Variants in ABR observed in about 807,000 individuals in gnomAD.
ABR encodes ABR activator of RhoGEF and GTPase, also known as active breakpoint cluster region-related protein.
ABR carries 35 observed loss-of-function variants against 107.2 expected under a neutral mutation model. The ratio of observed to expected loss-of-function variants is 0.33; its 90% CI spans 0.25 to 0.43. The LOEUF (loss-of-function observed/expected upper bound fraction) is 0.43. Ranked by LOEUF, ABR falls within the 20% of genes least tolerant of loss-of-function variation. ABR has a pLI of 1.00. For synonymous variants in ABR, 498 were observed against 462.0 expected, an observed-to-expected ratio of 1.08 and a Z score of -1.00; for missense variants, 815 against 1,115.2, an observed-to-expected ratio of 0.73 and a Z score of 3.83.
Position 1,092,926 on chromosome 17 carries a change from T to C in ABR, c.346-1076A>G, listed in dbSNP as rs2037133412. Among the ~76,000 whole-genome samples, 1 of 140,390 alleles carries C rather than the reference T, an allele frequency of 7.1e-6. No individual in the cohort carries two copies. The highest frequency in any genetic ancestry group is 2.4e-4 in the South Asian group (1 of 4,212). The allele number at this position is 140,390 out of a possible 152,430, so 92.1% of individuals were successfully genotyped here. On this transcript the variant is annotated intron_variant, in intron 3 of 22. Transcript: ENST00000302538. This position sits in a 1 kb window ranked among gnomAD's most constrained non-coding sequence, Gnocchi z 4.6. ...GCTCCGCCTCCCGGGTTCACGCCAT[T>C]CTCCTGCCTCAGCCTCCCAAGTAAC...
At chr17:1,109,143 A>C (rs1036854037) in intron 2 of ABR, 2 of 603,328 alleles carry the variant, frequency 3.3e-6, no homozygotes, top group East Asian at 8.6e-5. Context: ...AGGAGGGAGG[A>C]GGCGGGCGGG....
At chr17:1,081,960 A>AT (rs984910376) in intron 5 of ABR, among the ~76,000 whole-genome samples, 87 of 151,508 alleles carry the variant, frequency 5.7e-4, no homozygotes, top group African/African-American at 1.8e-3. Context: ...TCCAAGCTGC[A>AT]TTTTTTTAAC....
chr17:1,150,222 C>T lies in ABR; in HGVS notation c.62-24855G>A, dbSNP rs539850990. Among the ~76,000 whole-genome samples, 1 of 152,146 alleles carries T rather than the reference C, an allele frequency of 6.6e-6. No homozygotes were observed. The highest frequency in any genetic ancestry group is 2.1e-4 in the South Asian group (1 of 4,810). On this transcript the variant is annotated intron_variant, in intron 1 of 22. Transcript: ENST00000302538. The surrounding 1 kb of genome is among the most constrained non-coding windows in gnomAD (Gnocchi z 4.8). ...CCTGTGTCAGAATTTTTTTTGTTAC[C>T]CACCTGACAAAGCTCTTCATCTTGC...
Position 1,054,340 on chromosome 17 carries a change from A to G in ABR, c.1561+1695T>C, listed in dbSNP as rs534766121. ...ACATTTCTGAGCTCCCATGCATCCC[A>G]GGGTAAAGGAGACCTGGTTCCCGCC... On this transcript the variant is annotated intron_variant, in intron 14 of 22. Coordinates refer to ENST00000302538, the MANE Select transcript of ABR (RefSeq NM_021962.5). 7.5e-4 allele frequency among the ~76,000 whole-genome samples: 115 copies of G among 152,320 alleles called. 1 individual carries two copies. The highest frequency in any genetic ancestry group is 2.7e-3 in the African/African-American group (113 of 41,584).
chr17:1,139,183 A>C (rs2040194718), intron 1 of ABR, among the ~76,000 whole-genome samples: 1 of 152,200 alleles, frequency 6.6e-6, no homozygotes, highest in African/African-American at 2.4e-5. Context: ...TGGCTTCTTA[A>C]ACAGCGTTAT....
intron 1 of ABR, among the ~76,000 whole-genome samples, chr17:1,172,577 C>G (rs1250110589): frequency 6.6e-6 from 1 of 152,036 alleles, no homozygotes; most frequent in Admixed American, 6.6e-5. Flanking sequence ...GGTGAAACCC[C>G]GTCTCTACTA....
In ABR at chr17:1,023,119, A is replaced by AGAGCCACTGCCGGCCCTACGTCCACTC. The variant is rs1167753663; in HGVS notation, c.1792-9956_1792-9955insGAGTGGACGTAGGGCCGGCAGTGGCTC. 2.9e-4 allele frequency among the ~76,000 whole-genome samples: 29 copies of AGAGCCACTGCCGGCCCTACGTCCACTC among 99,022 alleles called. No individual in the cohort carries two copies. The East Asian group carries it at 7.8e-3, about 27-fold the overall frequency. The allele number at this position is 99,022 out of a possible 152,430, so 65.0% of individuals were successfully genotyped here. ...AGCCTCTGCCGGCCCCACGTCCACT[A>AGAGCCACTGCCGGCCCTACGTCCACTC]CAGCGCCTCTGCCGGCCCCACGTCC... On this transcript the variant is annotated intron_variant, in intron 16 of 22. Transcript: ENST00000302538.
chr17:1,177,346 A>G (rs895111569), intron 1 of ABR, among the ~76,000 whole-genome samples: 2 of 152,124 alleles, frequency 1.3e-5, no homozygotes, highest in Non-Finnish European at 2.9e-5. Context: ...GACTCCTCAC[A>G]CTGCGGCCAC....
chr17:1,144,744 T>C (rs545267199), intron 1 of ABR, among the ~76,000 whole-genome samples: 12 of 150,898 alleles, frequency 8.0e-5, no homozygotes, highest in East Asian at 2.0e-4. Flanking sequence ...ATACAAAAAT[T>C]AGGGCTGGGT....
At position 1,051,945 on chromosome 17, in the gene ABR, A is replaced by G. The variant is rs2032585063; in HGVS notation, c.1562-1311T>C. On this transcript the variant is annotated intron_variant, in intron 14 of 22. Coordinates refer to ENST00000302538, the MANE Select transcript of ABR (RefSeq NM_021962.5). The surrounding 1 kb of genome is among the most constrained non-coding windows in gnomAD (Gnocchi z 4.3). Reference sequence around the variant, plus strand: ...AAAAGTGAGCCCGGCGTGGTGGCACATGCCTGTAGTCCCAGCTACTCGGGA... The same window carrying G: ...AAAAGTGAGCCCGGCGTGGTGGCACGTGCCTGTAGTCCCAGCTACTCGGGA... 6.6e-6 allele frequency among the ~76,000 whole-genome samples: 1 copy of G among 152,056 alleles called. No individual in the cohort carries two copies. Among genetic ancestry groups the G allele is most frequent in the African/African-American group, 2.4e-5 (1 of 41,406 alleles).
At chr17:1,228,785 G>C (rs1314003917) in intron 1 of ABR, 2 of 151,958 alleles carry the variant, frequency 1.3e-5, no homozygotes, top group African/African-American at 4.8e-5. Context: ...TCTGGGGGGG[G>C]CGCCCACCTG....
chr17:1,018,604 G>GT (rs1431226335), intron 16 of ABR, among the ~76,000 whole-genome samples: 1 of 152,112 alleles, frequency 6.6e-6, no homozygotes, highest in African/African-American at 2.4e-5. Context: ...ACACAACCTG[G>GT]TCGGGGGGAG....
chr17:1,172,163 C>T (rs2041739776), intron 1 of ABR, among the ~76,000 whole-genome samples: 1 of 152,210 alleles, frequency 6.6e-6, no homozygotes, highest in Admixed American at 6.5e-5. Flanking sequence ...AGTCAGGTCT[C>T]GACCCGGGGA....
chr17:1,083,051 G>C (rs1043275235), intron 5 of ABR, among the ~76,000 whole-genome samples: 5 of 151,380 alleles, frequency 3.3e-5, no homozygotes, highest in Admixed American at 2.6e-4. Context: ...TTGAACCCAG[G>C]GGGTAGAGGT....
At chr17:1,133,521 C>A (rs994034509) in intron 1 of ABR, among the ~76,000 whole-genome samples, 1 of 152,072 alleles carries the variant, frequency 6.6e-6, no homozygotes, top group Admixed American at 6.5e-5. Flanking sequence ...TGATGAATAG[C>A]ATCTTATCAA....
intron 12 of ABR, among the ~76,000 whole-genome samples, chr17:1,057,659 GTGTGTGTGTGTGTGTGTGTGTGTGTCTC>G (rs1195083379): frequency 1.2e-4 from 2 of 16,660 alleles, no homozygotes; most frequent in Admixed American, 1.0e-3. Context: ...ATGTGTGTAT[GTGTGTGTGTGTGTGTGTGTGTGTGTCTC>G]TGTGTGTGTG....
chr17:1,012,476 T>C, intron 18 of ABR: 1 of 698,566 alleles, frequency 1.4e-6, no homozygotes, highest in Non-Finnish European at 2.6e-6. Context: ...CAAGAGACCT[T>C]CCAGCGTTTA....
At chr17:1,162,149 A>C (rs2041323139) in intron 1 of ABR, among the ~76,000 whole-genome samples, 1 of 152,228 alleles carries the variant, frequency 6.6e-6, no homozygotes. Context: ...GAAAAGACTC[A>C]GTTCGTGGTG....
intron 16 of ABR, among the ~76,000 whole-genome samples, chr17:1,017,907 T>C (rs1453383252): frequency 6.7e-6 from 1 of 150,302 alleles, no homozygotes; most frequent in Non-Finnish European, 1.5e-5. Flanking sequence ...TCGGCCTGTA[T>C]TTATTTTTCT....
Sources: gnomAD v4.1 joint callset for allele counts (sites outside exome capture counted in the v4.1 genomes callset) on GRCh38, gnomAD v4.1.1 for gene constraint, Gnocchi (gnomAD v3.1) non-coding constraint, MANE v1.5 for transcripts, NCBI Gene and HGNC (gene_info 2026-07-23, HGNC 2026-07-21) for gene names.